The following ADAD1 variants were observed in gnomAD, a reference collection of about 807,000 sequenced individuals.
ADAD1 encodes adenosine deaminase domain containing 1.
In ADAD1, 46 loss-of-function variants were observed where a neutral mutation model predicts 66.8. The ratio of observed to expected loss-of-function variants is 0.69; its 90% CI spans 0.54 to 0.88. The LOEUF is 0.88. Ranked by LOEUF, ADAD1 falls within the 40% of genes least tolerant of loss-of-function variation. The probability of loss-of-function intolerance (pLI) is 0.00; values close to 1 mark genes in which losing one functional copy is unlikely to be tolerated. For synonymous variants in ADAD1, 248 were observed against 229.4 expected (o/e 1.08, Z -0.73); for missense variants, 617 against 681.8 (o/e 0.91, Z 1.06).
At chr4:122,385,857 T>C (rs1333157965) in intron 5 of ADAD1, among the ~76,000 whole-genome samples, 3 of 152,164 alleles carry the variant, frequency 2.0e-5, no homozygotes, top group Non-Finnish European at 4.4e-5. Flanking sequence ...CCATGTCCCT[T>C]CAAAGGACAT....
rs765953845 is a variant in ADAD1, at chr4:122,396,358, T to A, written c.705T>A (p.Ala235=). 6.3e-6 allele frequency: 10 copies of A among 1,584,372 alleles called. No homozygotes were observed. Among genetic ancestry groups the A allele is most frequent in the Non-Finnish European group, 7.7e-6 (9 of 1,168,318 alleles). Residue 235 remains alanine (A), a synonymous_variant, in exon 7 of 13, where the codon GCT becomes GCA. Transcript: ENST00000296513. ...SEYLKYSSSL[A]AFIIERAGQH... is the part of the protein sequence containing the mutation. ...ACCTGAAATATAGCAGTTCATTGGC[T>A]GCTTTTATAATTGAAAGAGGTAAGT...
At position 122,379,748 on chromosome 4, in the gene ADAD1, C is replaced by A. The variant is rs1314305353; in HGVS notation, c.-9+303C>A. On this transcript the variant is annotated intron_variant, in intron 2 of 12. Transcript: ENST00000296513. Reference sequence around the variant, plus strand: ...CGAGCTGATTTTTTTTTCTTTTTTTCTTTTTTCCTGACCTTGCTAATATCT... The same window carrying A: ...CGAGCTGATTTTTTTTTCTTTTTTTATTTTTTCCTGACCTTGCTAATATCT... The A allele has an allele frequency of 1.6e-5, 3 of 191,192 alleles. No individual in the cohort carries two copies. In the East Asian group the frequency reaches 3.9e-4, roughly 25 times the overall value. 11.8% of individuals were successfully genotyped at this position (191,192 alleles called of 1,614,324 possible).
At chr4:122,388,368 G>A (rs971998600) in intron 5 of ADAD1, among the ~76,000 whole-genome samples, 1 of 152,148 alleles carries the variant, frequency 6.6e-6, no homozygotes, top group African/African-American at 2.4e-5. Flanking sequence ...GTATCAGGAT[G>A]ATGCTGGCTT....
chr4:122,419,963 A>G (rs1796928716), intron 11 of ADAD1, among the ~76,000 whole-genome samples: 1 of 152,206 alleles, frequency 6.6e-6, no homozygotes, highest in Non-Finnish European at 1.5e-5. Context: ...TCCCACTAAC[A>G]TTCAGAGCAA....
chr4:122,405,923 G>C (rs556226475), intron 7 of ADAD1, among the ~76,000 whole-genome samples: 1 of 151,976 alleles, frequency 6.6e-6, no homozygotes, highest in Non-Finnish European at 1.5e-5. Flanking sequence ...CTTCTTTTTG[G>C]GGGGGCTGAA....
At chr4:122,428,371 G>A (rs1797351393) in intron 12 of ADAD1, among the ~76,000 whole-genome samples, 2 of 152,112 alleles carry the variant, frequency 1.3e-5, no homozygotes, top group South Asian at 2.1e-4. Flanking sequence ...ATGAGAAAAT[G>A]CCACTTTGGA....
rs377291489 is a variant in ADAD1, at chr4:122,412,693, A to G, written c.1133A>G (p.Asn378Ser). 1.3e-4 allele frequency: 207 copies of G among 1,613,804 alleles called. No individual in the cohort carries two copies. The highest frequency in any genetic ancestry group is 1.7e-4 in the Non-Finnish European group (202 of 1,179,826). Residue 378 changes from asparagine to serine, a missense_variant, in exon 10 of 13, where the codon AAT becomes AGT. Transcript: ENST00000296513. ...LTVYCPKDGVNRISSMSSSDK... is the reference protein window; with the variant it reads ...LTVYCPKDGVSRISSMSSSDK... The stretch of plus-strand genomic sequence containing the variant: ...GTTTACTGTCCTAAAGATGGTGTTA[A>G]TAGAATAAGCAGTATGTCCTCAAGT...
rs559177540 is a variant in ADAD1, at chr4:122,416,199, C to A, written c.1487+583C>A. 3.3e-5 allele frequency among the ~76,000 whole-genome samples: 5 copies of A among 152,256 alleles called. No homozygotes were observed. In the South Asian group the frequency reaches 1.0e-3, roughly 32 times the overall value. On this transcript the variant is annotated intron_variant, in intron 11 of 12. Transcript: ENST00000296513. ...CTAAGGTTACCCAAGTAGTTAATGA[C>A]ACAGCTTGGGTTCTAACCCAGACAT...
chr4:122,407,525 G>C (rs1190376289), intron 7 of ADAD1, among the ~76,000 whole-genome samples: 1 of 152,094 alleles, frequency 6.6e-6, no homozygotes, highest in Non-Finnish European at 1.5e-5. Context: ...AAAATTAGAG[G>C]CATTAAATAT....
At chr4:122,407,130 A>G (rs1461479660) in intron 7 of ADAD1, among the ~76,000 whole-genome samples, 4 of 152,206 alleles carry the variant, frequency 2.6e-5, no homozygotes, top group African/African-American at 7.2e-5. Flanking sequence ...GCCTAATAGT[A>G]AAAATCCATT....
At position 122,415,398 on chromosome 4, in the gene ADAD1, T is replaced by A; in HGVS notation, c.1269T>A (p.Asp423Glu). 1 of 1,613,640 alleles carries A rather than the reference T, an allele frequency of 6.2e-7. No individual in the cohort carries two copies. Among genetic ancestry groups the A allele is most frequent in the Non-Finnish European group, 8.5e-7 (1 of 1,179,724 alleles). ...TTCTAGGTGATGGGAATTGCAGTGATACCAGAGGCTTAGAAATCGCTATAA... is the reference window on the plus strand; with the variant it reads ...TTCTAGGTGATGGGAATTGCAGTGAAACCAGAGGCTTAGAAATCGCTATAA... ...SILIGDGNCSDTRGLEIAIKQ... is the reference protein window; with the variant it reads ...SILIGDGNCSETRGLEIAIKQ... The change falls in exon 11 of 13, where the codon GAT becomes GAA. Residue 423 changes from aspartate to glutamate, a missense_variant. Physicochemically the swap from Asp to Glu is conservative, Grantham distance 45. Transcript: ENST00000296513.
chr4:122,379,985 G>C (rs770580458), intron 2 of ADAD1, 77 bp from the exon 3 acceptor site: 82 of 1,374,180 alleles, frequency 6.0e-5, no homozygotes, highest in Non-Finnish European at 7.5e-5. Context: ...ATAATGGGGG[G>C]GTGGGGTTTG....
intron 12 of ADAD1, among the ~76,000 whole-genome samples, chr4:122,422,084 T>C (rs1797023062): frequency 6.6e-6 from 1 of 151,504 alleles, no homozygotes; most frequent in Non-Finnish European, 1.5e-5. Flanking sequence ...TATGTTTTAA[T>C]CTACTTTTTC....
At position 122,392,703 on chromosome 4, in the gene ADAD1, G is replaced by C. The variant is rs114090555; in HGVS notation, c.530-886G>C. On this transcript the variant is annotated intron_variant, in intron 5 of 12. Transcript: ENST00000296513. The stretch of plus-strand genomic sequence containing the variant: ...ATGTACCTCCTGTATCTAAAAAGTT[G>C]AAAGTTTTTGAAAAAAGTTTATACT... 7.5e-3 allele frequency among the ~76,000 whole-genome samples: 1,140 copies of C among 152,190 alleles called. 12 individuals carry two copies. The highest frequency in any genetic ancestry group is 0.029 in the South Asian group (138 of 4,822).
At chr4:122,384,796 T>C (rs1023099565) in intron 5 of ADAD1, among the ~76,000 whole-genome samples, 2 of 152,174 alleles carry the variant, frequency 1.3e-5, no homozygotes, top group African/African-American at 4.8e-5. Flanking sequence ...TTTTTTTCCC[T>C]CCTTCATAAA....
At chr4:122,413,375 G>T (rs959005864) in intron 10 of ADAD1, among the ~76,000 whole-genome samples, 5 of 152,012 alleles carry the variant, frequency 3.3e-5, no homozygotes, top group African/African-American at 7.2e-5. Flanking sequence ...ATCTAGGCTT[G>T]CATTAAAAGG....
Position 122,395,614 on chromosome 4 carries a change from G to A in ADAD1, c.599-638G>A, listed in dbSNP as rs185061513. On this transcript the variant is annotated intron_variant, in intron 6 of 12. Coordinates refer to ENST00000296513, the MANE Select transcript of ADAD1 (RefSeq NM_139243.4). ...AAGAATCGCTTGAACCCGGGAGGCCGAGATCATGCCACTGCACTCCAGTCT... is the reference window on the plus strand; with the variant it reads ...AAGAATCGCTTGAACCCGGGAGGCCAAGATCATGCCACTGCACTCCAGTCT... Among the ~76,000 whole-genome samples, 461 of 151,146 alleles carry A rather than the reference G, an allele frequency of 3.1e-3. 2 individuals carry two copies. Among genetic ancestry groups the A allele is most frequent in the African/African-American group, 0.011 (446 of 41,234 alleles).
At chr4:122,419,369 G>A (rs1796904217) in intron 11 of ADAD1, among the ~76,000 whole-genome samples, 1 of 152,166 alleles carries the variant, frequency 6.6e-6, no homozygotes, top group Non-Finnish European at 1.5e-5. Context: ...CACACAGTGA[G>A]GCCTTTCAGA....
rs534224211 is a variant in ADAD1, at chr4:122,429,204, T to C, written c.1618-422T>C. On this transcript the variant is annotated intron_variant, in intron 12 of 12. Coordinates refer to ENST00000296513, the MANE Select transcript of ADAD1 (RefSeq NM_139243.4). Reference sequence around the variant, plus strand: ...TGGCCAGAGCTTTGGGAGGCCAAGGTGGGAGGACCACTTGAGGCCAGGAGT... The same window carrying C: ...TGGCCAGAGCTTTGGGAGGCCAAGGCGGGAGGACCACTTGAGGCCAGGAGT... 4.6e-5 allele frequency among the ~76,000 whole-genome samples: 7 copies of C among 150,622 alleles called. No individual in the cohort carries two copies. The South Asian group carries it at 1.5e-3, about 32-fold the overall frequency.
Sources: gnomAD v4.1 joint callset for allele counts (sites outside exome capture counted in the v4.1 genomes callset) on GRCh38, gnomAD v4.1.1 for gene constraint, MANE v1.5 for transcripts, NCBI Gene and HGNC (gene_info 2026-07-23, HGNC 2026-07-21) for gene names.